STK38: variants seen among roughly 807,000 people sequenced by gnomAD.
STK38 encodes the protein serine/threonine kinase 38.
In STK38, 26 loss-of-function variants were observed where a neutral mutation model predicts 59.0. The ratio of observed to expected loss-of-function variants is 0.44; its 90% CI spans 0.32 to 0.61. STK38 has a LOEUF of 0.61. Ranked by LOEUF, STK38 falls within the 20% of genes least tolerant of loss-of-function variation. The pLI, the probability that STK38 is intolerant of heterozygous loss-of-function variation, is 0.04. For synonymous variants in STK38, 175 were observed against 176.6 expected (o/e 0.99, Z 0.07); for missense variants, 433 against 566.0 (o/e 0.76, Z 2.38).
At chr6:36,517,680 A>C (rs1435495391) in intron 6 of STK38, 37 bp downstream of exon 6, 8 of 1,606,178 alleles carry the variant, frequency 5.0e-6, no homozygotes, top group Admixed American at 1.7e-5. Flanking sequence ...ACCACAGAAC[A>C]AAAAGAAAAA....
chr6:36,529,375 T>C (rs1324770416), intron 2 of STK38, among the ~76,000 whole-genome samples: 1 of 152,224 alleles, frequency 6.6e-6, no homozygotes, highest in African/African-American at 2.4e-5. Flanking sequence ...CACTATATTA[T>C]TCCACCTATG....
At chr6:36,506,262 A>G (rs1034429412) in intron 9 of STK38, among the ~76,000 whole-genome samples, 1 of 152,178 alleles carries the variant, frequency 6.6e-6, no homozygotes, top group African/African-American at 2.4e-5. Context: ...GTTCTGACAG[A>G]TCTCCAGCTT....
intron 9 of STK38, 47 bp from the exon 10 acceptor site, chr6:36,500,037 GC>G: frequency 6.8e-7 from 1 of 1,461,446 alleles, no homozygotes; most frequent in Non-Finnish European, 9.6e-7. Flanking sequence ...GGCAGGAGGT[GC>G]CCAGAGTTCT....
At chr6:36,540,335 C>G in intron 1 of STK38, 128 bp from the exon 2 acceptor site, 2 of 864,582 alleles carry the variant, frequency 2.3e-6, no homozygotes, top group Non-Finnish European at 3.6e-6. Context: ...TAATATGTAA[C>G]AAAAGCCAGA....
chr6:36,540,289 T>A, intron 1 of STK38, 82 bp from the exon 2 acceptor site: 15 of 1,393,298 alleles, frequency 1.1e-5, no homozygotes, highest in Non-Finnish European at 1.5e-5. Flanking sequence ...TTGGTAGGAA[T>A]GTAAATTGGT....
At chr6:36,495,962 T>C in intron 13 of STK38, 48 bp from the exon 14 acceptor site, 2 of 1,609,410 alleles carry the variant, frequency 1.2e-6, no homozygotes, top group Non-Finnish European at 1.7e-6. Flanking sequence ...TTGCCTCCAA[T>C]GGACTGCTCA....
intron 1 of STK38, among the ~76,000 whole-genome samples, chr6:36,546,407 G>A (rs578237004): frequency 6.6e-6 from 1 of 152,212 alleles, no homozygotes; most frequent in African/African-American, 2.4e-5. Flanking sequence ...TTATGTTTAG[G>A]GAAACCAAAT....
chr6:36,499,336 G>A (rs1462598610), intron 10 of STK38, among the ~76,000 whole-genome samples: 1 of 152,052 alleles, frequency 6.6e-6, no homozygotes, highest in Admixed American at 6.6e-5. Flanking sequence ...CACAGGCATC[G>A]TTCCCATGTT....
intron 5 of STK38, 39 bp downstream of exon 5, chr6:36,521,695 A>G: frequency 1.3e-6 from 2 of 1,493,042 alleles, no homozygotes; most frequent in Non-Finnish European, 1.8e-6. Flanking sequence ...AGGAGACAAA[A>G]ATTAATAAGC....
At chr6:36,517,605 G>C in intron 6 of STK38, 112 bp downstream of exon 6, 3 of 1,433,502 alleles carry the variant, frequency 2.1e-6, no homozygotes, top group Non-Finnish European at 2.8e-6. Context: ...AAAGGATATA[G>C]AAAGCAACTT....
Position 36,517,855 on chromosome 6 carries a change from A to C in STK38, c.391-15T>G. The C allele has an allele frequency of 6.2e-7, 1 of 1,611,162 alleles. No individual in the cohort carries two copies. The highest frequency in any genetic ancestry group is 1.1e-5 in the South Asian group (1 of 90,722). On this transcript the variant is annotated splice_polypyrimidine_tract_variant and intron_variant, in intron 5 of 13. Coordinates refer to ENST00000229812, the MANE Select transcript of STK38 (RefSeq NM_007271.4). ...ATGTGGCCAACCTGGAGGTATATGC[A>C]TTTGATTAATGACAAAGCTTGCTCT...
At chr6:36,546,253 T>C (rs1778050257) in intron 1 of STK38, among the ~76,000 whole-genome samples, 1 of 152,252 alleles carries the variant, frequency 6.6e-6, no homozygotes, top group South Asian at 2.1e-4. Flanking sequence ...TCATTTTTGA[T>C]GTCCATTCCT....
intron 5 of STK38, among the ~76,000 whole-genome samples, chr6:36,518,572 A>G (rs900527131): frequency 2.0e-5 from 3 of 152,100 alleles, no homozygotes; most frequent in Admixed American, 6.6e-5. Flanking sequence ...ACTTTTTTTA[A>G]AACAAGATGG....
chr6:36,509,715 G>T (rs1777058790), intron 7 of STK38, among the ~76,000 whole-genome samples: 1 of 152,114 alleles, frequency 6.6e-6, no homozygotes, highest in African/African-American at 2.4e-5. Context: ...GCTTGTCAGG[G>T]CCGAGGCTGC....
intron 5 of STK38, 42 bp from the exon 6 acceptor site, chr6:36,517,882 CTTTATTAGA>C: frequency 1.9e-6 from 3 of 1,605,232 alleles, no homozygotes; most frequent in Non-Finnish European, 2.6e-6. Flanking sequence ...GCTTGCTCTG[CTTTATTAGA>C]TTGTATATTT....
chr6:36,536,354 A>G (rs923276515), intron 2 of STK38, among the ~76,000 whole-genome samples: 2 of 152,182 alleles, frequency 1.3e-5, no homozygotes, highest in African/African-American at 2.4e-5. Flanking sequence ...ACATAGGAGA[A>G]AATCCTTATG....
intron 5 of STK38, among the ~76,000 whole-genome samples, chr6:36,518,706 T>C (rs1777314129): frequency 6.6e-6 from 1 of 152,162 alleles, no homozygotes; most frequent in Non-Finnish European, 1.5e-5. Context: ...TATAGGTGTG[T>C]GCCACCATGC....
rs1248490750 is a variant in STK38, at chr6:36,494,402, G to C, written c.*1382C>G. The C allele has an allele frequency of 1.3e-5, 2 of 152,656 alleles. No individual in the cohort carries two copies. Among genetic ancestry groups the C allele is most frequent in the African/African-American group, 2.4e-5 (1 of 41,460 alleles). 9.5% of individuals were successfully genotyped at this position (152,656 alleles called of 1,614,324 possible). A position where few individuals can be genotyped will look rare whatever the true frequency, so the allele number is the denominator to read the frequency against. The stretch of plus-strand genomic sequence containing the variant: ...TGCAACAGGCAAAGTTCCCACATAG[G>C]TGCAAATGATGCTTTAAGAGTTATC... On this transcript the variant is annotated 3_prime_UTR_variant, in exon 14 of 14. Coordinates refer to ENST00000229812, the MANE Select transcript of STK38 (RefSeq NM_007271.4).
rs1480509742 is a variant in STK38, at chr6:36,525,621, C to T, written c.153G>A (p.Val51=). Reference sequence around the variant, plus strand: ...CATCTTTTAGGCCTTCTTCTTCCATCACCTTTTCTAACTTCTTTTGTCTAA... The same window carrying T: ...CATCTTTTAGGCCTTCTTCTTCCATTACCTTTTCTAACTTCTTTTGTCTAA... ...REMRQKKLEK[V]MEEEGLKDEE... is the part of the protein sequence containing the mutation. The change falls in exon 3 of 14, where the codon GTG becomes GTA. Residue 51 remains valine, a synonymous_variant. Coordinates refer to ENST00000229812, the MANE Select transcript of STK38 (RefSeq NM_007271.4). 6.2e-7 allele frequency: 1 copy of T among 1,613,674 alleles called. No homozygotes were observed. The highest frequency in any genetic ancestry group is 8.5e-7 in the Non-Finnish European group (1 of 1,179,796).
Sources: gnomAD v4.1 joint callset for allele counts (sites outside exome capture counted in the v4.1 genomes callset) on GRCh38, gnomAD v4.1.1 for gene constraint, MANE v1.5 for transcripts, NCBI Gene and HGNC (gene_info 2026-07-23, HGNC 2026-07-21) for gene names.